Variants in POGZ observed in about 807,000 individuals in gnomAD.
The protein encoded by POGZ is pogo transposable element derived with ZNF domain.
A neutral mutation model predicts 134.6 loss-of-function variants in POGZ; 17 were observed. The ratio of observed to expected loss-of-function variants is 0.13; its 90% CI spans 0.09 to 0.19. The LOEUF (loss-of-function observed/expected upper bound fraction) is 0.19. Among genes scored for constraint, POGZ ranks in the 10% least tolerant of loss-of-function variants. The probability of loss-of-function intolerance (pLI) is 1.00; values close to 1 mark genes in which losing one functional copy is unlikely to be tolerated. For missense variants in POGZ, 1,306 were observed against 1,769.7 expected (o/e 0.74, Z 4.70); for synonymous variants, 693 against 657.1 (o/e 1.05, Z -0.84).
At chr1:151,444,048 C>T (rs1454683602) in intron 1 of POGZ, among the ~76,000 whole-genome samples, 1 of 152,172 alleles carries the variant, frequency 6.6e-6, no homozygotes, top group Non-Finnish European at 1.5e-5. Flanking sequence ...GGCATTGTTT[C>T]GCTTGAAAAT....
At chr1:151,407,190 T>G in intron 16 of POGZ, 45 bp downstream of exon 16, 10 of 1,450,014 alleles carry the variant, frequency 6.9e-6, no homozygotes, top group Non-Finnish European at 8.6e-6. Flanking sequence ...AAAATTAATG[T>G]AAAAACCTGA....
Position 151,405,193 on chromosome 1 carries a change from T to C in POGZ, c.3842A>G (p.Lys1281Arg), listed in dbSNP as rs1653354457. Residue 1281 changes from lysine to arginine, a missense_variant, in exon 19 of 19, where the codon AAG (lysine) becomes AGG (arginine). Physicochemically the swap from Lys to Arg is conservative, Grantham distance 26. This residue lies in a region of POGZ where 67 missense variants were observed against 105.8 expected (regional missense o/e 0.63). Transcript: ENST00000271715. This position sits in a 1 kb window ranked among gnomAD's most constrained non-coding sequence, Gnocchi z 4.9. ...TVKNFLHKKW[K>R]EQAREMADTA... ...ATCTGCCATTTCCCGAGCCTGTTCC[T>C]TCCATTTTTTATGCAGGAAGTTCTT... The C allele has an allele frequency of 1.2e-6, 2 of 1,614,088 alleles. No individual in the cohort carries two copies. Among genetic ancestry groups the C allele is most frequent in the African/African-American group, 1.3e-5 (1 of 74,942 alleles).
chr1:151,432,172 ACAACAACAACAG>A (rs1416646533), intron 3 of POGZ, among the ~76,000 whole-genome samples: 6 of 152,136 alleles, frequency 3.9e-5, no homozygotes, highest in Non-Finnish European at 8.8e-5. Flanking sequence ...CTGTCTCAAA[ACAACAACAACAG>A]CAACAACAAC....
rs144073313 is a variant in POGZ, at chr1:151,427,956, A to G, written c.945T>C (p.Asn315=). Residue 315 remains asparagine (N), a synonymous_variant, in exon 7 of 19, where the codon AAT becomes AAC. Transcript: ENST00000271715. The part of the protein sequence containing the change: ...KRPGVTGENS[N]EVAKLVNTLN... Reference sequence around the variant, plus strand: ...GGGTATTCACCAATTTGGCCACTTCATTGCTATTTTCGCCTGTAACACCAG... The same window carrying G: ...GGGTATTCACCAATTTGGCCACTTCGTTGCTATTTTCGCCTGTAACACCAG... 5.1e-5 allele frequency: 83 copies of G among 1,614,160 alleles called. No individual in the cohort carries two copies. The African/African-American group carries it at 1.1e-3, about 21-fold the overall frequency.
intron 3 of POGZ, among the ~76,000 whole-genome samples, chr1:151,437,601 A>G (rs1375507585): frequency 6.6e-6 from 1 of 152,034 alleles, no homozygotes; most frequent in Admixed American, 6.5e-5. Flanking sequence ...AAAATACAGA[A>G]ATTAGCCGAG....
In POGZ at chr1:151,408,681, G is replaced by A; in HGVS notation, c.2061+13C>T. The A allele has an allele frequency of 6.2e-7, 1 of 1,612,262 alleles. No homozygotes were observed. ...CTCCCTGGGCCTATAAAAGACACTG[G>A]CAAACTCTTTACCTTGGTGCCTGGT... On this transcript the variant is annotated intron_variant, in intron 13 of 18. Transcript: ENST00000271715.
chr1:151,446,415 G>A (rs944112260), intron 1 of POGZ, among the ~76,000 whole-genome samples: 1 of 151,924 alleles, frequency 6.6e-6, no homozygotes. Context: ...ACAGAAATGC[G>A]AATTTCAGAT....
intron 1 of POGZ, among the ~76,000 whole-genome samples, chr1:151,447,385 T>C (rs1299607607): frequency 1.3e-5 from 2 of 150,612 alleles, no homozygotes; most frequent in Admixed American, 6.6e-5. Context: ...AACAAAAAAA[T>C]TGTATTACCA....
chr1:151,424,327 G>T lies in POGZ; in HGVS notation c.1186-41C>A, dbSNP rs566538309. 8.5e-5 allele frequency: 103 copies of T among 1,218,498 alleles called. 2 individuals are homozygous for T. The South Asian group carries it at 1.4e-3, about 16-fold the overall frequency. 75.5% of individuals were successfully genotyped at this position (1,218,498 alleles called of 1,614,324 possible). On this transcript the variant is annotated intron_variant, in intron 8 of 18. Transcript: ENST00000271715. ...TCTGATCATTCTGGTTATCCTGGGGGCTAGAATGTGCTAACTCCTTAACTT... is the reference window on the plus strand; with the variant it reads ...TCTGATCATTCTGGTTATCCTGGGGTCTAGAATGTGCTAACTCCTTAACTT...
intron 1 of POGZ, among the ~76,000 whole-genome samples, chr1:151,455,404 A>G (rs1662648807): frequency 6.6e-6 from 1 of 152,228 alleles, no homozygotes. Flanking sequence ...ATCAACTTCA[A>G]CTATTTATAA....
intron 3 of POGZ, among the ~76,000 whole-genome samples, chr1:151,437,940 A>G (rs1182932310): frequency 1.3e-5 from 2 of 151,788 alleles, no homozygotes; most frequent in African/African-American, 2.4e-5. Flanking sequence ...TGGGCGCAGT[A>G]GCTCACGCCT....
intron 1 of POGZ, among the ~76,000 whole-genome samples, chr1:151,447,308 G>A (rs375812330): frequency 2.7e-4 from 41 of 152,022 alleles, no homozygotes; most frequent in African/African-American, 9.9e-4. Flanking sequence ...GGAGGCGGAG[G>A]TTGCAGTGAA....
intron 10 of POGZ, among the ~76,000 whole-genome samples, chr1:151,420,706 TAAAA>T (rs1440127198): frequency 1.3e-5 from 2 of 152,166 alleles, no homozygotes; most frequent in Non-Finnish European, 2.9e-5. Context: ...AGTGAACACT[TAAAA>T]TGTGGTAAGC....
rs1328842513 is a variant in POGZ, at chr1:151,408,182, T to G, written c.2293A>C (p.Asn765His). ...CAGTGTACGTAAGTAGGGAAATGAT[T>G]AGGGAAGTCTGGGATCTCGAAGCTG... ...ECSFEIPDFP[N>H]HFPTYVHCSL... Residue 765 changes from asparagine (N) to histidine (H), a missense_variant, in exon 15 of 19, where the codon AAT becomes CAT. Around this residue, in one of 10 missense-constraint regions of POGZ, gnomAD observed 34 missense variants for 95.5 expected, o/e 0.36. Transcript: ENST00000271715. The G allele has an allele frequency of 1.9e-6, 3 of 1,612,718 alleles. 1 individual carries two copies. The South Asian group carries it at 3.3e-5, about 18-fold the overall frequency.
In POGZ at chr1:151,423,403, A is replaced by G; in HGVS notation, c.1672T>C (p.Ser558Pro). Residue 558 changes from serine (S) to proline (P), a missense_variant, in exon 10 of 19, where the codon TCT (serine) becomes CCT (proline). Ser to Pro is a moderately conservative substitution (Grantham distance 74). Around this residue, in one of 10 missense-constraint regions of POGZ, gnomAD observed 541 missense variants for 680.5 expected, o/e 0.80. Transcript: ENST00000271715. The part of the protein sequence containing the change: ...HLENVHSPYE[S>P]TTKCKICEWA... ...TAAGAGTTTCCAAACTTACTAGTAGATTCATAGGGACTATGAACATTTTCC... is the reference window on the plus strand; with the variant it reads ...TAAGAGTTTCCAAACTTACTAGTAGGTTCATAGGGACTATGAACATTTTCC... 6.2e-7 allele frequency: 1 copy of G among 1,613,462 alleles called. No individual in the cohort carries two copies. Among genetic ancestry groups the G allele is most frequent in the Non-Finnish European group, 8.5e-7 (1 of 1,179,380 alleles).
Position 151,428,419 on chromosome 1 carries a change from A to C in POGZ, c.569-6T>G, listed in dbSNP as rs774681864. On this transcript the variant is annotated splice_polypyrimidine_tract_variant and splice_region_variant and intron_variant, in intron 5 of 18. Coordinates refer to ENST00000271715, the MANE Select transcript of POGZ (RefSeq NM_015100.4). ...AACAAACTGGGTACCTGGGGCTTTA[A>C]AAGAGAGACAAAGTACCAGATCTTG... 28 of 1,612,042 alleles carry C rather than the reference A, an allele frequency of 1.7e-5. No individual in the cohort carries two copies. The African/African-American group carries it at 3.7e-4, about 22-fold the overall frequency.
chr1:151,404,737 T>C lies in POGZ; in HGVS notation c.*65A>G. 6 of 1,509,498 alleles carry C rather than the reference T, an allele frequency of 4.0e-6. No homozygotes were observed. Among genetic ancestry groups the C allele is most frequent in the Non-Finnish European group, 5.3e-6 (6 of 1,131,470 alleles). The allele number at this position is 1,509,498 out of a possible 1,614,324, so 93.5% of individuals were successfully genotyped here. A position where few individuals can be genotyped will look rare whatever the true frequency, so the allele number is the denominator to read the frequency against. On this transcript the variant is annotated 3_prime_UTR_variant, in exon 19 of 19. Transcript: ENST00000271715. ...CCCACCTGGTATGCCCCCTTTTCCC[T>C]AAGCCCCTTTACCCTCCCTCACATG...
At chr1:151,428,842 G>A (rs1034313879) in intron 5 of POGZ, among the ~76,000 whole-genome samples, 1 of 152,176 alleles carries the variant, frequency 6.6e-6, no homozygotes, top group Non-Finnish European at 1.5e-5. Context: ...GACAGACTAT[G>A]CCATTCTACT....
At chr1:151,455,925 T>TA (rs1662720464) in intron 1 of POGZ, among the ~76,000 whole-genome samples, 1 of 141,410 alleles carries the variant, frequency 7.1e-6, no homozygotes, top group Non-Finnish European at 1.5e-5. Flanking sequence ...TTTTAATAAA[T>TA]AGAGACAGGG....
Sources: gnomAD v4.1 joint callset for allele counts (sites outside exome capture counted in the v4.1 genomes callset) on GRCh38, gnomAD v4.1.1 for gene constraint, gnomAD v4.1.1 regional missense constraint, Gnocchi (gnomAD v3.1) non-coding constraint, MANE v1.5 for transcripts, NCBI Gene and HGNC (gene_info 2026-07-23, HGNC 2026-07-21) for gene names.